SMARCA2: variants seen among roughly 807,000 people sequenced by gnomAD.
SMARCA2 encodes SWI/SNF related BAF chromatin remodeling complex subunit ATPase 2, also known as SWI/SNF-related matrix-associated actin-dependent regulator of chromatin subfamily A member 2.
A neutral mutation model predicts 199.8 loss-of-function variants in SMARCA2; 61 were observed. That is an observed-to-expected ratio of 0.31 (90% CI 0.25 to 0.38). SMARCA2 has a LOEUF of 0.38. Among genes scored for constraint, SMARCA2 ranks in the 10% least tolerant of loss-of-function variants. The pLI is 1.00. For synonymous variants in SMARCA2, 935 were observed against 732.0 expected, an observed-to-expected ratio of 1.28 and a Z score of -4.48; for missense variants, 1,344 against 2,012.2, an observed-to-expected ratio of 0.67 and a Z score of 6.35.
At chr9:2,135,664 C>A (rs541008076) in intron 27 of SMARCA2, among the ~76,000 whole-genome samples, 1 of 152,228 alleles carries the variant, frequency 6.6e-6, no homozygotes, top group Admixed American at 6.5e-5. Flanking sequence ...ACTTCAGCCT[C>A]CCAAGTAGCT....
At chr9:2,131,112 G>A (rs930909804) in intron 27 of SMARCA2, among the ~76,000 whole-genome samples, 2 of 152,090 alleles carry the variant, frequency 1.3e-5, no homozygotes, top group Non-Finnish European at 2.9e-5. Context: ...TAATTGCTAC[G>A]TGAGTGATTT....
At chr9:2,168,160 C>A (rs971570655) in intron 28 of SMARCA2, among the ~76,000 whole-genome samples, 1 of 151,698 alleles carries the variant, frequency 6.6e-6, no homozygotes, top group Non-Finnish European at 1.5e-5. Context: ...TATGGGCGTG[C>A]ACCACGATGC....
rs898862326 is a variant in SMARCA2, at chr9:2,039,557, A to T, written c.447A>T (p.Pro149=). The T allele has an allele frequency of 3.7e-6, 6 of 1,613,986 alleles. No individual in the cohort carries two copies. In the Admixed American group the frequency reaches 5.0e-5, roughly 13 times the overall value. ...SGGGPTPPQM[P]PSQPGALIPG... ...GAGGCCCAACTCCACCTCAGATGCC[A>T]CCAAGCCAGCCGGGGGCCCTCATCC... The change falls in exon 4 of 34, where the codon CCA becomes CCT. Residue 149 remains proline (P), a synonymous_variant. Transcript: ENST00000349721. The surrounding 1 kb of genome is among the most constrained non-coding windows in gnomAD (Gnocchi z 4.8).
chr9:2,046,836 AAAAG>A (rs1291023113), intron 4 of SMARCA2, among the ~76,000 whole-genome samples: 6 of 152,314 alleles, frequency 3.9e-5, no homozygotes, highest in Non-Finnish European at 4.4e-5. Context: ...TAAAAAAAGA[AAAAG>A]AAAGAAACCC....
intron 4 of SMARCA2, chr9:2,040,103 C>G: frequency 9.3e-7 from 1 of 1,080,580 alleles, no homozygotes; most frequent in East Asian, 2.6e-5. Flanking sequence ...TGTTTCTTAA[C>G]CTTAAAAGGT....
chr9:2,039,373 T>C lies in SMARCA2; in HGVS notation c.356-93T>C. 1 of 1,190,448 alleles carries C rather than the reference T, an allele frequency of 8.4e-7. No homozygotes were observed. Among genetic ancestry groups the C allele is most frequent in the Non-Finnish European group, 1.2e-6 (1 of 840,122 alleles). The allele number at this position is 1,190,448 out of a possible 1,614,324, so 73.7% of individuals were successfully genotyped here. A position where few individuals can be genotyped will look rare whatever the true frequency, so the allele number is the denominator to read the frequency against. On this transcript the variant is annotated intron_variant, in intron 3 of 33. Transcript: ENST00000349721. The surrounding 1 kb of genome is among the most constrained non-coding windows in gnomAD (Gnocchi z 4.8). ...TGTCATTCAAATTTCTGTCAGACAG[T>C]GTTGCTGTGGACAATTATTAGAGTA...
At chr9:2,150,285 C>A (rs1824994659) in intron 27 of SMARCA2, among the ~76,000 whole-genome samples, 1 of 151,684 alleles carries the variant, frequency 6.6e-6, no homozygotes, top group Non-Finnish European at 1.5e-5. Context: ...CATGTTCTTT[C>A]ACACCTGCAG....
intron 27 of SMARCA2, among the ~76,000 whole-genome samples, chr9:2,134,419 C>G (rs1586739858): frequency 6.6e-6 from 1 of 152,194 alleles, no homozygotes. Context: ...GGTTTTCTCC[C>G]TAGCTGTACA....
intron 27 of SMARCA2, among the ~76,000 whole-genome samples, chr9:2,128,342 GC>G (rs1408854456): frequency 6.6e-6 from 1 of 152,194 alleles, no homozygotes; most frequent in Non-Finnish European, 1.5e-5. Flanking sequence ...GAAATCTGGA[GC>G]CTGGCCACAG....
At chr9:2,054,833 G>C (rs1345693674) in intron 6 of SMARCA2, 110 bp downstream of exon 6, 13 of 1,114,258 alleles carry the variant, frequency 1.2e-5, no homozygotes, top group Non-Finnish European at 1.7e-5. Flanking sequence ...AAGATATAAA[G>C]ATATAAATAT....
chr9:2,108,850 C>G (rs1563773824), intron 23 of SMARCA2, among the ~76,000 whole-genome samples: 2 of 152,174 alleles, frequency 1.3e-5, no homozygotes, highest in East Asian at 3.8e-4. Flanking sequence ...CCTCCAAAAT[C>G]TAAACTCGGA....
intron 17 of SMARCA2, among the ~76,000 whole-genome samples, chr9:2,085,394 G>A (rs1821757147): frequency 6.6e-6 from 1 of 152,220 alleles, no homozygotes; most frequent in Admixed American, 6.5e-5. Context: ...GCTATAGAAA[G>A]AGGTAGTAAT....
chr9:2,168,181 T>C (rs1034591489), intron 28 of SMARCA2, among the ~76,000 whole-genome samples: 1 of 151,994 alleles, frequency 6.6e-6, no homozygotes, highest in Non-Finnish European at 1.5e-5. Flanking sequence ...CTGGCTAATT[T>C]TGTATTTTTG....
intron 8 of SMARCA2, among the ~76,000 whole-genome samples, chr9:2,059,730 G>A (rs778227709): frequency 2.0e-5 from 3 of 152,080 alleles, no homozygotes; most frequent in Non-Finnish European, 2.9e-5. Context: ...CTCATCCACA[G>A]GGCAGACGGC....
chr9:2,141,549 C>G (rs1273242122), intron 27 of SMARCA2, among the ~76,000 whole-genome samples: 2 of 152,090 alleles, frequency 1.3e-5, no homozygotes, highest in Non-Finnish European at 2.9e-5. Context: ...CCTTTTAACT[C>G]TCAAAGCTAA....
chr9:2,066,678 G>C (rs1314509598), intron 9 of SMARCA2, among the ~76,000 whole-genome samples: 2 of 152,140 alleles, frequency 1.3e-5, no homozygotes, highest in East Asian at 3.8e-4. Flanking sequence ...CTTGTTCAGT[G>C]TTTTGTTTTG....
intron 21 of SMARCA2, 116 bp from the exon 22 acceptor site, chr9:2,101,454 C>A: frequency 1.9e-6 from 1 of 522,266 alleles, no homozygotes; most frequent in Non-Finnish European, 3.4e-6. Flanking sequence ...TTTGCTTATT[C>A]ATTAATTATT....
intron 1 of SMARCA2, among the ~76,000 whole-genome samples, chr9:2,024,595 A>C (rs1364734910): frequency 6.6e-6 from 1 of 152,144 alleles, no homozygotes; most frequent in Non-Finnish European, 1.5e-5. Flanking sequence ...ATATATTATC[A>C]CAACCAAAGC....
chr9:2,064,077 G>A (rs1820720424), intron 9 of SMARCA2, among the ~76,000 whole-genome samples: 1 of 152,208 alleles, frequency 6.6e-6, no homozygotes, highest in African/African-American at 2.4e-5. Context: ...CAAGATGAAT[G>A]TGCTATTATG....
Sources: allele counts gnomAD v4.1 joint callset (sites outside exome capture counted in the v4.1 genomes callset), GRCh38; gene constraint gnomAD v4.1.1; non-coding constraint Gnocchi (gnomAD v3.1); transcripts MANE v1.5; gene names NCBI Gene and HGNC (gene_info 2026-07-23, HGNC 2026-07-21).